BMPR1B: variants seen among roughly 807,000 people sequenced by gnomAD.
The protein encoded by BMPR1B is bone morphogenetic protein receptor type-1B.
BMPR1B carries 12 observed loss-of-function variants against 59.1 expected under a neutral mutation model. The observed-to-expected ratio is 0.20, with a 90% CI of 0.13 to 0.33. The LOEUF (loss-of-function observed/expected upper bound fraction) is 0.33, where lower values mean the gene tolerates loss of function less well. Among genes scored for constraint, BMPR1B ranks in the 10% least tolerant of loss-of-function variants. The probability of loss-of-function intolerance (pLI) is 1.00; values close to 1 mark genes in which losing one functional copy is unlikely to be tolerated. For missense variants in BMPR1B, 550 were observed against 610.9 expected (o/e 0.90, Z 1.05); for synonymous variants, 237 against 207.3 (o/e 1.14, Z -1.23).
At chr4:94,803,938 G>A (rs1276653089) in intron 1 of BMPR1B, among the ~76,000 whole-genome samples, 1 of 152,072 alleles carries the variant, frequency 6.6e-6, no homozygotes, top group Non-Finnish European at 1.5e-5. Flanking sequence ...GAGTGCAGTG[G>A]TGGAATCTCG....
chr4:95,156,821 G>A lies in BMPR1B; in HGVS notation c.*2148G>A, dbSNP rs1271341989. ...TAGGGATAGCCTAGAAGGAATATAT[G>A]GTTAGAACTAAGTGTGACTAATCAT... On this transcript the variant is annotated 3_prime_UTR_variant, in exon 13 of 13. Coordinates refer to ENST00000515059, the MANE Select transcript of BMPR1B (RefSeq NM_001203.3). 2 of 152,144 alleles carry A rather than the reference G, an allele frequency of 1.3e-5. No individual in the cohort carries two copies. The highest frequency in any genetic ancestry group is 6.5e-5 in the Admixed American group (1 of 15,280). 9.4% of individuals were successfully genotyped at this position (152,144 alleles called of 1,614,324 possible). A position where few individuals can be genotyped will look rare whatever the true frequency, so the allele number is the denominator to read the frequency against.
intron 2 of BMPR1B, among the ~76,000 whole-genome samples, chr4:94,930,012 T>G (rs913306091): frequency 6.6e-6 from 1 of 152,078 alleles, no homozygotes; most frequent in Non-Finnish European, 1.5e-5. Context: ...TAAGGCTTGC[T>G]TGTTCTGTCT....
At chr4:95,066,499 T>G (rs947820874) in intron 3 of BMPR1B, among the ~76,000 whole-genome samples, 2 of 152,242 alleles carry the variant, frequency 1.3e-5, no homozygotes, top group Non-Finnish European at 2.9e-5. Flanking sequence ...GCAGTTATTC[T>G]GTAGCATACA....
At chr4:94,778,862 G>A (rs972612712) in intron 1 of BMPR1B, among the ~76,000 whole-genome samples, 5 of 151,450 alleles carry the variant, frequency 3.3e-5, no homozygotes, top group East Asian at 1.9e-4. Context: ...TGCTGATTTC[G>A]TATTAGATTG....
intron 1 of BMPR1B, among the ~76,000 whole-genome samples, chr4:94,794,046 G>T (rs1370858837): frequency 1.1e-4 from 17 of 150,936 alleles, no homozygotes; most frequent in African/African-American, 2.9e-4. Flanking sequence ...GTCAATTTTG[G>T]CTTTTGTTGC....
chr4:94,858,112 ATTTTT>A (rs11400695), intron 1 of BMPR1B, among the ~76,000 whole-genome samples: 2 of 147,424 alleles, frequency 1.4e-5, no homozygotes, highest in Non-Finnish European at 3.0e-5. Context: ...CGCCTGGCTA[ATTTTT>A]TTTTTTGTAT....
At chr4:95,074,733 G>A (rs766006942) in intron 3 of BMPR1B, among the ~76,000 whole-genome samples, 1 of 151,972 alleles carries the variant, frequency 6.6e-6, no homozygotes, top group East Asian at 1.9e-4. Flanking sequence ...AGCTAGAGTA[G>A]TTATGCTGTT....
At chr4:95,097,545 C>CTT (rs1278287506) in intron 3 of BMPR1B, among the ~76,000 whole-genome samples, 1 of 151,612 alleles carries the variant, frequency 6.6e-6, no homozygotes, top group Non-Finnish European at 1.5e-5. Context: ...TTCTTTCTTT[C>CTT]TTTTTTTTGT....
chr4:95,126,277 C>T (rs993008160), intron 8 of BMPR1B, among the ~76,000 whole-genome samples: 4 of 152,030 alleles, frequency 2.6e-5, no homozygotes, highest in East Asian at 1.9e-4. Flanking sequence ...TTATTATAGG[C>T]GCTGTTCAAT....
chr4:94,857,789 A>C (rs879498189), intron 1 of BMPR1B, among the ~76,000 whole-genome samples: 13 of 152,246 alleles, frequency 8.5e-5, no homozygotes, highest in Non-Finnish European at 1.3e-4. Context: ...TTTAAACAAT[A>C]CAACACTTTT....
At chr4:95,010,587 T>G (rs1723151118) in intron 3 of BMPR1B, among the ~76,000 whole-genome samples, 1 of 152,210 alleles carries the variant, frequency 6.6e-6, no homozygotes, top group African/African-American at 2.4e-5. Context: ...CTCTGCTCCT[T>G]GGAAATTGCT....
Position 94,758,900 on chromosome 4 carries a change from C to T in BMPR1B, c.-183+832C>T, listed in dbSNP as rs574358224. ...CCTCTGTCCCTTCATCCTCTTCCCTCTGTCACTTTCGCACAATCTTTTGGT... is the reference window on the plus strand; with the variant it reads ...CCTCTGTCCCTTCATCCTCTTCCCTTTGTCACTTTCGCACAATCTTTTGGT... On this transcript the variant is annotated intron_variant, in intron 1 of 12. Transcript: ENST00000515059. Among the ~76,000 whole-genome samples the T allele has an allele frequency of 1.3e-3, 198 of 146,712 alleles. 3 individuals carry two copies. Among genetic ancestry groups the T allele is most frequent in the Admixed American group, 3.6e-3 (52 of 14,454 alleles).
intron 3 of BMPR1B, among the ~76,000 whole-genome samples, chr4:95,009,858 A>C (rs2149121921): frequency 6.6e-6 from 1 of 152,330 alleles, no homozygotes; most frequent in South Asian, 2.1e-4. Context: ...TTTGTAAAGA[A>C]GGATCTTTCA....
chr4:95,121,829 CTT>C (rs1278922213), intron 6 of BMPR1B, among the ~76,000 whole-genome samples: 1 of 151,998 alleles, frequency 6.6e-6, no homozygotes, highest in African/African-American at 2.4e-5. Context: ...TATGAAAAGA[CTT>C]AAAATATATA....
intron 1 of BMPR1B, among the ~76,000 whole-genome samples, chr4:94,846,728 TATATCTATATATC>T (rs1286403300): frequency 7.9e-5 from 2 of 25,414 alleles, no homozygotes; most frequent in African/African-American, 8.9e-4. Context: ...TCTATATATC[TATATCTATATATC>T]CATTCCATTA....
At chr4:94,976,590 A>G (rs762416106) in intron 2 of BMPR1B, among the ~76,000 whole-genome samples, 5 of 152,172 alleles carry the variant, frequency 3.3e-5, no homozygotes, top group African/African-American at 9.7e-5. Context: ...TTCCAAATCA[A>G]TTCCAGACAC....
chr4:95,023,575 TGAA>T lies in BMPR1B; in HGVS notation c.-18+27443_-18+27445del, dbSNP rs1370490661. ...TTTTTTTTTTTTAAATTGATAGAAA[TGAA>T]GTCTTGCCATGTTGCCCAGGCTGGT... On this transcript the variant is annotated intron_variant, in intron 3 of 12. Coordinates refer to ENST00000515059, the MANE Select transcript of BMPR1B (RefSeq NM_001203.3). Among the ~76,000 whole-genome samples the T allele has an allele frequency of 1.3e-5, 2 of 151,734 alleles. 1 individual carries two copies. The highest frequency in any genetic ancestry group is 6.3e-3 in the Middle Eastern group (2 of 316).
intron 2 of BMPR1B, among the ~76,000 whole-genome samples, chr4:94,957,333 GTTTTTTTTTTT>G (rs56341742): frequency 0.043 from 2,797 of 65,734 alleles, 125 homozygotes; most frequent in African/African-American, 0.14. Context: ...CCTGTTTCGT[GTTTTTTTTTTT>G]TTTTTTTTTT....
At chr4:95,042,893 C>T (rs1012861003) in intron 3 of BMPR1B, among the ~76,000 whole-genome samples, 7 of 151,986 alleles carry the variant, frequency 4.6e-5, no homozygotes, top group Non-Finnish European at 5.9e-5. Context: ...AGAATTACCT[C>T]GGCCGGGCGC....
Sources: allele counts gnomAD v4.1 joint callset (sites outside exome capture counted in the v4.1 genomes callset), GRCh38; gene constraint gnomAD v4.1.1; transcripts MANE v1.5; gene names NCBI Gene and HGNC (gene_info 2026-07-23, HGNC 2026-07-21).